The following ART3 variants were observed in gnomAD, a reference collection of about 807,000 sequenced individuals.
ART3 encodes the protein ADP-ribosyltransferase 3 (inactive), also known as ecto-ADP-ribosyltransferase 3.
Under a neutral mutation model 48.5 loss-of-function variants are expected in ART3, and 49 were observed. The ratio of observed to expected loss-of-function variants is 1.01; its 90% CI spans 0.80 to 1.28. The LOEUF (loss-of-function observed/expected upper bound fraction) is 1.28, where lower values mean the gene tolerates loss of function less well. Ranked by LOEUF, ART3 falls within the 50% of genes most tolerant of loss-of-function variation. The probability of loss-of-function intolerance (pLI) is 0.00; values close to 1 mark genes in which losing one functional copy is unlikely to be tolerated. For missense variants in ART3, 438 were observed against 454.3 expected, an observed-to-expected ratio of 0.96 and a Z score of 0.33; for synonymous variants, 145 against 157.2, an observed-to-expected ratio of 0.92 and a Z score of 0.58.
At chr4:76,075,071 G>A (rs1034446771) in intron 1 of ART3, among the ~76,000 whole-genome samples, 2 of 152,162 alleles carry the variant, frequency 1.3e-5, no homozygotes, top group Non-Finnish European at 2.9e-5. Flanking sequence ...CTATAAAAGG[G>A]AAGACTTCTC....
chr4:76,053,415 T>TAA (rs11384069), intron 1 of ART3, among the ~76,000 whole-genome samples: 31 of 151,058 alleles, frequency 2.1e-4, no homozygotes, highest in East Asian at 9.7e-4. Flanking sequence ...GAAGAGTTAC[T>TAA]AAAAAAAAAC....
chr4:76,049,648 T>C (rs59291856), intron 1 of ART3, among the ~76,000 whole-genome samples: 93,381 of 151,266 alleles, frequency 0.62, 30,158 homozygotes, highest in East Asian at 0.94. Context: ...CCCCGAAATT[T>C]TAAGGAAAAA....
chr4:76,058,302 A>G (rs1329320207), intron 1 of ART3, among the ~76,000 whole-genome samples: 1 of 152,190 alleles, frequency 6.6e-6, no homozygotes, highest in Non-Finnish European at 1.5e-5. Flanking sequence ...TTGAAGAAAG[A>G]GTACAACATG....
chr4:76,065,119 A>G (rs906613155), intron 1 of ART3, among the ~76,000 whole-genome samples: 3 of 152,184 alleles, frequency 2.0e-5, no homozygotes, highest in Non-Finnish European at 4.4e-5. Flanking sequence ...GGCGTGAGTA[A>G]TGGTAGCCAT....
chr4:76,068,597 G>T (rs148436147), intron 1 of ART3, among the ~76,000 whole-genome samples: 5 of 152,056 alleles, frequency 3.3e-5, no homozygotes, highest in Non-Finnish European at 5.9e-5. Context: ...GGACACAAAG[G>T]GGGGACCAAC....
At chr4:76,025,421 T>C (rs1733288271) in intron 1 of ART3, among the ~76,000 whole-genome samples, 1 of 152,206 alleles carries the variant, frequency 6.6e-6, no homozygotes, top group Non-Finnish European at 1.5e-5. Flanking sequence ...AAGGAGATAC[T>C]TGATAAATGG....
At chr4:76,057,149 G>C (rs7688312) in intron 1 of ART3, among the ~76,000 whole-genome samples, 33,039 of 151,878 alleles carry the variant, frequency 0.22, 4,090 homozygotes, top group East Asian at 0.4. Context: ...GTTGTATCAG[G>C]GTTCATAATA....
At chr4:76,088,430 G>A (rs1043936647) in intron 3 of ART3, among the ~76,000 whole-genome samples, 2 of 151,998 alleles carry the variant, frequency 1.3e-5, no homozygotes, top group Non-Finnish European at 2.9e-5. Flanking sequence ...GACTCCAGTG[G>A]CTAGTAGTAT....
At chr4:76,096,731 G>A (rs1214700453) in intron 3 of ART3, among the ~76,000 whole-genome samples, 1 of 152,200 alleles carries the variant, frequency 6.6e-6, no homozygotes, top group East Asian at 1.9e-4. Context: ...CATCACCAGT[G>A]AGAGCATCTA....
chr4:76,059,373 T>TTC (rs1553929163), intron 1 of ART3, among the ~76,000 whole-genome samples: 32 of 149,726 alleles, frequency 2.1e-4, no homozygotes, highest in East Asian at 7.8e-4. Flanking sequence ...TTTTTTTTTC[T>TTC]TTTTTTTTTC....
At chr4:76,055,691 C>G (rs1192447759) in intron 1 of ART3, among the ~76,000 whole-genome samples, 1 of 151,842 alleles carries the variant, frequency 6.6e-6, no homozygotes, top group African/African-American at 2.4e-5. Context: ...TCTGAGGGTC[C>G]TGGTGAGAAA....
chr4:76,069,841 A>T (rs1720139838), upstream of ART3, among the ~76,000 whole-genome samples: 1 of 151,236 alleles, frequency 6.6e-6, no homozygotes, highest in Admixed American at 6.6e-5. Context: ...ATTATATTAT[A>T]GATAATACTG....
intron 1 of ART3, among the ~76,000 whole-genome samples, chr4:76,018,983 G>C (rs965083380): frequency 6.7e-6 from 1 of 150,034 alleles, no homozygotes; most frequent in Non-Finnish European, 1.5e-5. Context: ...GGGGGTTGGA[G>C]TGAGCCGAGA....
At chr4:76,036,110 A>G in intron 1 of ART3, 3 of 767,566 alleles carry the variant, frequency 3.9e-6, no homozygotes, top group Non-Finnish European at 6.5e-6. Flanking sequence ...AGAGCATTTT[A>G]TACACCAGCA....
chr4:76,023,655 T>C (rs1284152789), intron 1 of ART3, among the ~76,000 whole-genome samples: 2 of 152,224 alleles, frequency 1.3e-5, no homozygotes, highest in Non-Finnish European at 2.9e-5. Flanking sequence ...TATTGTAGCC[T>C]CCAAGTTACG....
chr4:76,067,135 G>A (rs73825734), intron 1 of ART3, among the ~76,000 whole-genome samples: 11,753 of 152,280 alleles, frequency 0.077, 571 homozygotes, highest in South Asian at 0.14. Context: ...AATTTTTAAG[G>A]TCTCTTAGAA....
intron 1 of ART3, among the ~76,000 whole-genome samples, chr4:76,055,221 C>T (rs901891542): frequency 6.6e-6 from 1 of 152,238 alleles, no homozygotes; most frequent in African/African-American, 2.4e-5. Flanking sequence ...GCTCACTCTT[C>T]AGCTCTGAGT....
At chr4:76,096,964 C>G (rs752503360) in intron 3 of ART3, among the ~76,000 whole-genome samples, 1 of 152,088 alleles carries the variant, frequency 6.6e-6, no homozygotes, top group Non-Finnish European at 1.5e-5. Flanking sequence ...CTGTTGAGGA[C>G]GTTTAGTATC....
intron 8 of ART3, 73 bp from the exon 9 acceptor site, chr4:76,103,864 T>C: frequency 8.0e-7 from 1 of 1,243,076 alleles, no homozygotes; most frequent in Non-Finnish European, 1.1e-6. Flanking sequence ...ATGGAGGAAA[T>C]ATAGACAAAA....
Sources: gnomAD v4.1 joint callset for allele counts (sites outside exome capture counted in the v4.1 genomes callset) on GRCh38, gnomAD v4.1.1 for gene constraint, MANE v1.5 for transcripts, NCBI Gene and HGNC (gene_info 2026-07-23, HGNC 2026-07-21) for gene names.